Variants in ZNF334 observed in about 807,000 individuals in gnomAD.
The protein encoded by ZNF334 is zinc finger protein 334.
A neutral mutation model predicts 12.4 loss-of-function variants in ZNF334; 14 were observed. That is an observed-to-expected ratio of 1.13 (90% CI 0.74 to 1.76). The LOEUF (loss-of-function observed/expected upper bound fraction) is 1.76, where lower values mean the gene tolerates loss of function less well. ZNF334 is among the 40% of genes most tolerant of loss of function. ZNF334 has a pLI of 0.00. For missense variants in ZNF334, 797 were observed against 804.5 expected, an observed-to-expected ratio of 0.99 and a Z score of 0.11; for synonymous variants, 273 against 269.6, an observed-to-expected ratio of 1.01 and a Z score of -0.12.
the ZNF334 span, among the ~76,000 whole-genome samples, chr20:46,467,282 T>C: frequency 1.3e-5 from 2 of 152,070 alleles, no homozygotes; most frequent in Non-Finnish European, 2.9e-5. Context: ...CACACAAAAA[T>C]AAGGCATTTT....
At chr20:46,464,574 T>C in the ZNF334 span, 2 of 415,622 alleles carry the variant, frequency 4.8e-6, no homozygotes, top group South Asian at 2.0e-5. Flanking sequence ...CTGTGGTCTC[T>C]GGGCAGCATC....
In ZNF334 at chr20:46,502,860, T is replaced by G. The variant is rs150000987; in HGVS notation, c.479A>C (p.Lys160Thr). Residue 160 changes from lysine (K) to threonine (T), a missense_variant, in exon 5 of 5, where the codon AAG (lysine) becomes ACG (threonine). Transcript: ENST00000692313. ...IVAKKSKENRKIPDGYSGFGK... is the reference protein window; with the variant it reads ...IVAKKSKENRTIPDGYSGFGK... ...AAATCCACTGTATCCATCAGGAATC[T>G]TTCTGTTTTCTTTGCTTTTCTTTGC... is the stretch of plus-strand genomic sequence containing the variant. 1.9e-6 allele frequency: 3 copies of G among 1,613,744 alleles called. No individual in the cohort carries two copies. Among genetic ancestry groups the G allele is most frequent in the Non-Finnish European group, 2.5e-6 (3 of 1,179,932 alleles).
Position 46,502,637 on chromosome 20 carries a change from C to A in ZNF334, c.702G>T (p.Arg234Ser), listed in dbSNP as rs769068262. Residue 234 changes from arginine (R) to serine (S), a missense_variant, in exon 5 of 5, where the codon AGG becomes AGT. Transcript: ENST00000692313. ...LITQKGRQTE[R>S]KPNECNECRK... ...TACATTCATTACATTCATTTGGTTTCCTTTCAGTCTGTCTCCCCTTTTGTG... is the reference window on the plus strand; with the variant it reads ...TACATTCATTACATTCATTTGGTTTACTTTCAGTCTGTCTCCCCTTTTGTG... 8 of 1,612,832 alleles carry A rather than the reference C, an allele frequency of 5.0e-6. No individual in the cohort carries two copies. In the East Asian group the frequency reaches 1.8e-4, roughly 36 times the overall value.
chr20:46,498,975 C>A (rs1217268418), downstream of ZNF334, among the ~76,000 whole-genome samples: 3 of 151,626 alleles, frequency 2.0e-5, no homozygotes, highest in Non-Finnish European at 4.4e-5. Context: ...GAGATCGAGA[C>A]CATCCCGGCT....
chr20:46,493,865 G>C, the ZNF334 span, among the ~76,000 whole-genome samples: 1 of 152,126 alleles, frequency 6.6e-6, no homozygotes, highest in African/African-American at 2.4e-5. Flanking sequence ...AGGAGGCAGA[G>C]GTTGCAGTGA....
At chr20:46,479,284 C>T in the ZNF334 span, among the ~76,000 whole-genome samples, 1 of 152,062 alleles carries the variant, frequency 6.6e-6, no homozygotes, top group Non-Finnish European at 1.5e-5. Context: ...TTATATCAGA[C>T]CCACCCGGAT....
At chr20:46,496,003 T>G (rs2061016766), downstream of ZNF334, among the ~76,000 whole-genome samples, 1 of 152,172 alleles carries the variant, frequency 6.6e-6, no homozygotes, top group Non-Finnish European at 1.5e-5. Context: ...ATGGCTACAT[T>G]GCAGGAACCT....
rs1047241572 is a variant in ZNF334, at chr20:46,499,815, A to G, written c.*1481T>C. On this transcript the variant is annotated 3_prime_UTR_variant, in exon 5 of 5. Coordinates refer to ENST00000692313, the MANE Select transcript of ZNF334 (RefSeq NM_001353824.2). ...TACTTACATATATTAACACATGTATATGTGTGTATACATACATTTATCTGT... is the reference window on the plus strand; with the variant it reads ...TACTTACATATATTAACACATGTATGTGTGTGTATACATACATTTATCTGT... 4.6e-5 allele frequency: 7 copies of G among 152,232 alleles called. No homozygotes were observed. The highest frequency in any genetic ancestry group is 1.7e-4 in the African/African-American group (7 of 41,464). The allele number at this position is 152,232 out of a possible 1,614,324, so 9.4% of individuals were successfully genotyped here.
intron 2 of ZNF334, chr20:46,505,994 T>C (rs999561820): frequency 5.4e-6 from 1 of 186,644 alleles, no homozygotes; most frequent in Non-Finnish European, 1.1e-5. Context: ...GTAGATGTAA[T>C]GTGCATATTA....
intron 2 of ZNF334, among the ~76,000 whole-genome samples, chr20:46,508,462 C>A (rs549418962): frequency 3.3e-5 from 5 of 152,290 alleles, no homozygotes; most frequent in African/African-American, 9.6e-5. Flanking sequence ...TGGCTCCTGG[C>A]TATGTTCACA....
Position 46,502,446 on chromosome 20 carries a change from C to T in ZNF334, c.893G>A (p.Cys298Tyr). ...TGERPYECSE[C>Y]RKTFIDKSAL... ...AGATTTGTCAATGAAGGTTTTCCTG[C>T]ATTCACTGCATTCATAGGGTCTCTC... The change falls in exon 5 of 5, where the codon TGC becomes TAC. Residue 298 changes from cysteine (C) to tyrosine (Y), a missense_variant. Cys to Tyr is a radical substitution (Grantham distance 194, BLOSUM62 -2). Coordinates refer to ENST00000692313, the MANE Select transcript of ZNF334 (RefSeq NM_001353824.2). 6.2e-7 allele frequency: 1 copy of T among 1,614,070 alleles called. No homozygotes were observed. The highest frequency in any genetic ancestry group is 8.5e-7 in the Non-Finnish European group (1 of 1,179,974).
At chr20:46,497,786 T>C (rs1395165329), downstream of ZNF334, among the ~76,000 whole-genome samples, 1 of 152,234 alleles carries the variant, frequency 6.6e-6, no homozygotes, top group African/African-American at 2.4e-5. Flanking sequence ...TTATTCCCCA[T>C]TTCATTGAAA....
Position 46,504,251 on chromosome 20 carries a change from T to G in ZNF334, c.204A>C (p.Pro68=), listed in dbSNP as rs1384210077. The G allele has an allele frequency of 5.6e-6, 9 of 1,613,846 alleles. No individual in the cohort carries two copies. The highest frequency in any genetic ancestry group is 7.6e-6 in the Non-Finnish European group (9 of 1,179,836). The part of the protein sequence containing the change: ...VIFKLEQGEE[P]WIVEEFSNQN... ...GATTTGAGAATTCCTCCACTATCCATGGCTCTTCTCCTTGCTCCAATTTGA... is the reference window on the plus strand; with the variant it reads ...GATTTGAGAATTCCTCCACTATCCAGGGCTCTTCTCCTTGCTCCAATTTGA... Residue 68 remains proline (P), a synonymous_variant, in exon 4 of 5, where the codon CCA becomes CCC. Coordinates refer to ENST00000692313, the MANE Select transcript of ZNF334 (RefSeq NM_001353824.2).
intron 2 of ZNF334, chr20:46,506,626 C>CA (rs1157097514): frequency 3.2e-5 from 10 of 316,270 alleles, no homozygotes; most frequent in Non-Finnish European, 5.7e-5. Context: ...CTCAAAAAAA[C>CA]AAAAAAACCC....
intron 1 of ZNF334, 35 bp from the exon 2 acceptor site, chr20:46,512,175 C>A: frequency 3.2e-6 from 5 of 1,547,494 alleles, no homozygotes; most frequent in Non-Finnish European, 4.5e-6. Context: ...GAATCATGAG[C>A]GATTTGGCTC....
In ZNF334 at chr20:46,502,122, T is replaced by C. The variant is rs1406092526; in HGVS notation, c.1217A>G (p.Glu406Gly). 6.2e-7 allele frequency: 1 copy of C among 1,614,044 alleles called. No homozygotes were observed. The highest frequency in any genetic ancestry group is 1.3e-5 in the African/African-American group (1 of 74,924). ...GAAGGTTTTCTCACATTCACTACAT[T>C]CATAGGGTTTTTCCCCTGTGTGAAT... ...QRIHTGEKPY[E>G]CSECEKTFFC... is the part of the protein sequence containing the mutation. Residue 406 changes from glutamate to glycine, a missense_variant, in exon 5 of 5, where the codon GAA (glutamate) becomes GGA (glycine). Coordinates refer to ENST00000692313, the MANE Select transcript of ZNF334 (RefSeq NM_001353824.2).
intron 2 of ZNF334, among the ~76,000 whole-genome samples, chr20:46,507,605 C>G (rs1416597636): frequency 1.3e-5 from 2 of 152,156 alleles, no homozygotes; most frequent in Non-Finnish European, 1.5e-5. Context: ...AAAAATAAAG[C>G]AGTAAAAAAT....
the ZNF334 span, among the ~76,000 whole-genome samples, chr20:46,473,199 A>C: frequency 6.6e-6 from 1 of 152,088 alleles, no homozygotes; most frequent in African/African-American, 2.4e-5. Context: ...GAAAAGATTC[A>C]TTTCTTCTGT....
At chr20:46,481,800 A>G in the ZNF334 span, among the ~76,000 whole-genome samples, 1 of 152,242 alleles carries the variant, frequency 6.6e-6, no homozygotes, top group African/African-American at 2.4e-5. Flanking sequence ...ATGGGTAAAC[A>G]GAAGAAAATA....
Sources: gnomAD v4.1 joint callset for allele counts (sites outside exome capture counted in the v4.1 genomes callset) on GRCh38, gnomAD v4.1.1 for gene constraint, MANE v1.5 for transcripts, NCBI Gene and HGNC (gene_info 2026-07-23, HGNC 2026-07-21) for gene names.